ITPR1: variants seen among roughly 807,000 people sequenced by gnomAD.
ITPR1 encodes the protein inositol 1,4,5-trisphosphate-gated calcium channel ITPR1.
In ITPR1, 96 loss-of-function variants were observed where a neutral mutation model predicts 318.4. The ratio of observed to expected loss-of-function variants is 0.30; its 90% CI spans 0.26 to 0.36. ITPR1 has a LOEUF of 0.36. ITPR1 is among the 10% of genes least tolerant of loss of function. The pLI is 1.00. For missense variants in ITPR1, 2,440 were observed against 3,460.2 expected (o/e 0.71, Z 7.40); for synonymous variants, 1,312 against 1,289.9 (o/e 1.02, Z -0.37).
At chr3:4,537,935 C>A (rs146960555) in intron 4 of ITPR1, among the ~76,000 whole-genome samples, 1 of 151,754 alleles carries the variant, frequency 6.6e-6, no homozygotes, top group Non-Finnish European at 1.5e-5. Context: ...AAGCACTGAC[C>A]CATGTTTTTT....
At chr3:4,573,111 G>T (rs1350604774) in intron 4 of ITPR1, among the ~76,000 whole-genome samples, 4 of 152,096 alleles carry the variant, frequency 2.6e-5, no homozygotes, top group Non-Finnish European at 5.9e-5. Flanking sequence ...ACCAGAACCG[G>T]AATTACTAGA....
At chr3:4,727,413 A>T (rs1291650525) in intron 42 of ITPR1, among the ~76,000 whole-genome samples, 1 of 152,082 alleles carries the variant, frequency 6.6e-6, no homozygotes, top group African/African-American at 2.4e-5. Flanking sequence ...TAAACTTTTC[A>T]TGTCCTTTTT....
intron 46 of ITPR1, among the ~76,000 whole-genome samples, chr3:4,772,039 C>A (rs2046222270): frequency 6.6e-6 from 1 of 152,192 alleles, no homozygotes; most frequent in Non-Finnish European, 1.5e-5. Flanking sequence ...TTGGAATCAT[C>A]CTTAAAAACT....
At chr3:4,775,483 C>T (rs758895541) in intron 47 of ITPR1, 41 bp downstream of exon 47, 2 of 1,495,494 alleles carry the variant, frequency 1.3e-6, no homozygotes, top group Admixed American at 3.5e-5. Context: ...AAAAAGTGTC[C>T]CATTTTGGAA....
chr3:4,505,507 T>C (rs894337861), intron 2 of ITPR1, among the ~76,000 whole-genome samples: 3 of 152,188 alleles, frequency 2.0e-5, no homozygotes, highest in African/African-American at 4.8e-5. Flanking sequence ...GGAAGCTTTT[T>C]GATTTTTATT....
intron 2 of ITPR1, among the ~76,000 whole-genome samples, chr3:4,499,096 A>G (rs1248293235): frequency 6.6e-6 from 1 of 152,186 alleles, no homozygotes; most frequent in Non-Finnish European, 1.5e-5. Flanking sequence ...TGAGGCTGTA[A>G]TATACTATGA....
At chr3:4,515,148 T>C (rs911993647) in intron 2 of ITPR1, among the ~76,000 whole-genome samples, 1 of 152,206 alleles carries the variant, frequency 6.6e-6, no homozygotes, top group Non-Finnish European at 1.5e-5. Flanking sequence ...AAATCAGCTT[T>C]TCCCTGCAGC....
intron 44 of ITPR1, among the ~76,000 whole-genome samples, chr3:4,741,051 C>T (rs376417215): frequency 3.3e-5 from 5 of 152,148 alleles, no homozygotes; most frequent in Non-Finnish European, 4.4e-5. Flanking sequence ...ATCCGTCCTT[C>T]GAGTCCTTGC....
chr3:4,712,335 C>T (rs1213327628), intron 39 of ITPR1, among the ~76,000 whole-genome samples: 1 of 152,212 alleles, frequency 6.6e-6, no homozygotes, highest in East Asian at 1.9e-4. Flanking sequence ...CACGTCACCA[C>T]TTCTGAGGGA....
At chr3:4,757,175 GT>G (rs1311600984) in intron 44 of ITPR1, among the ~76,000 whole-genome samples, 1 of 152,178 alleles carries the variant, frequency 6.6e-6, no homozygotes, top group Non-Finnish European at 1.5e-5. Flanking sequence ...ACCCAGGTGT[GT>G]TTTATTACCT....
At position 4,811,395 on chromosome 3, in the gene ITPR1, A is replaced by G; in HGVS notation, c.7403A>G (p.Tyr2468Cys). 1 of 1,614,020 alleles carries G rather than the reference A, an allele frequency of 6.2e-7. No individual in the cohort carries two copies. The highest frequency in any genetic ancestry group is 8.5e-7 in the Non-Finnish European group (1 of 1,179,878). The change falls in exon 56 of 62, where the codon TAT (tyrosine) becomes TGT (cysteine). Residue 2468 changes from tyrosine to cysteine, a missense_variant. Tyr to Cys is a radical substitution (Grantham distance 194). Transcript: ENST00000649015. ...GTTTACCTGTTCTCAATAGTGGGCT[A>G]TCTTTTCTTCAAGGATGACTTTATC... ...ILVYLFSIVG[Y>C]LFFKDDFILE...
chr3:4,616,865 C>A lies in ITPR1; in HGVS notation c.164-10898C>A, dbSNP rs1381887566. Among the ~76,000 whole-genome samples, 3 of 152,290 alleles carry A rather than the reference C, an allele frequency of 2.0e-5. No individual in the cohort carries two copies. In the South Asian group the frequency reaches 6.2e-4, roughly 32 times the overall value. On this transcript the variant is annotated intron_variant, in intron 4 of 61. Transcript: ENST00000649015. ...AGCTAAACTTCATTTCTTAGCTTGT[C>A]TGCATCATGGTGGGGTCTTGTGATT...
chr3:4,603,729 C>A (rs55650819), intron 4 of ITPR1, among the ~76,000 whole-genome samples: 32,350 of 152,178 alleles, frequency 0.21, 3,648 homozygotes, highest in Middle Eastern at 0.27. Context: ...CATTTTCTTT[C>A]ACCAGTCCAC....
chr3:4,819,641 C>T (rs1469083433), intron 60 of ITPR1, among the ~76,000 whole-genome samples: 3 of 152,174 alleles, frequency 2.0e-5, no homozygotes, highest in East Asian at 3.8e-4. Context: ...AATCCTCTCA[C>T]CTCTAGTATT....
chr3:4,741,493 A>G (rs534335524), intron 44 of ITPR1, among the ~76,000 whole-genome samples: 23 of 152,116 alleles, frequency 1.5e-4, no homozygotes, highest in Non-Finnish European at 3.1e-4. Flanking sequence ...ACTGGCCTGC[A>G]AATTCAGCAG....
intron 51 of ITPR1, among the ~76,000 whole-genome samples, chr3:4,786,013 C>G (rs1362330128): frequency 6.6e-6 from 1 of 152,214 alleles, no homozygotes; most frequent in Non-Finnish European, 1.5e-5. Flanking sequence ...CCAATGTCTT[C>G]ACTCTGGTGA....
At chr3:4,637,933 G>C (rs1390248040) in intron 5 of ITPR1, among the ~76,000 whole-genome samples, 1 of 152,124 alleles carries the variant, frequency 6.6e-6, no homozygotes, top group African/African-American at 2.4e-5. Context: ...TAATAATAAT[G>C]GTTAAAATTT....
intron 10 of ITPR1, among the ~76,000 whole-genome samples, chr3:4,647,055 C>G (rs528362789): frequency 6.6e-6 from 1 of 152,232 alleles, no homozygotes; most frequent in Non-Finnish European, 1.5e-5. Context: ...CAGAAGGTCC[C>G]TTGAGCCTCT....
At chr3:4,557,723 T>G (rs1294915958) in intron 4 of ITPR1, among the ~76,000 whole-genome samples, 1 of 152,194 alleles carries the variant, frequency 6.6e-6, no homozygotes, top group African/African-American at 2.4e-5. Context: ...TTTTGCAGAT[T>G]TTATACTTTT....
Sources: gnomAD v4.1 joint callset for allele counts (sites outside exome capture counted in the v4.1 genomes callset) on GRCh38, gnomAD v4.1.1 for gene constraint, MANE v1.5 for transcripts, NCBI Gene and HGNC (gene_info 2026-07-23, HGNC 2026-07-21) for gene names.